The following TNIK variants were observed in gnomAD, a reference collection of about 807,000 sequenced individuals.
TNIK encodes TRAF2 and NCK-interacting protein kinase.
Under a neutral mutation model 191.3 loss-of-function variants are expected in TNIK, and 49 were observed. That is an observed-to-expected ratio of 0.26 (90% CI 0.20 to 0.32). TNIK has a LOEUF of 0.32. Ranked by LOEUF, TNIK falls within the 10% of genes least tolerant of loss-of-function variation. TNIK has a pLI of 1.00. For synonymous variants in TNIK, 594 were observed against 600.9 expected, an observed-to-expected ratio of 0.99 and a Z score of 0.17; for missense variants, 1,155 against 1,702.3, an observed-to-expected ratio of 0.68 and a Z score of 5.66.
chr3:171,437,099 G>C (rs1313267648), intron 1 of TNIK, among the ~76,000 whole-genome samples: 1 of 152,122 alleles, frequency 6.6e-6, no homozygotes, highest in Admixed American at 6.6e-5. Context: ...TATTATCTGA[G>C]AAAGGAAGAG....
At chr3:171,123,134 G>A (rs1243920327) in intron 18 of TNIK, among the ~76,000 whole-genome samples, 2 of 152,134 alleles carry the variant, frequency 1.3e-5, no homozygotes, top group Non-Finnish European at 2.9e-5. Flanking sequence ...TCTGAAGATG[G>A]TCACTATTTC....
intron 2 of TNIK, among the ~76,000 whole-genome samples, chr3:171,339,724 C>T (rs1757323028): frequency 6.6e-6 from 1 of 152,350 alleles, no homozygotes; most frequent in South Asian, 2.1e-4. Context: ...GGAAACTCCA[C>T]AAGCTCTCTG....
intron 26 of TNIK, 43 bp from the exon 27 acceptor site, chr3:171,082,437 T>A (rs1720815264): frequency 6.3e-7 from 1 of 1,592,892 alleles, no homozygotes; most frequent in African/African-American, 1.3e-5. Flanking sequence ...TTTCATGAAC[T>A]TTAATCTTCT....
At chr3:171,122,538 C>G (rs1374088510) in intron 18 of TNIK, among the ~76,000 whole-genome samples, 2 of 152,210 alleles carry the variant, frequency 1.3e-5, no homozygotes, top group African/African-American at 4.8e-5. Flanking sequence ...TAAAGGAATT[C>G]ATGTTCTTAG....
intron 27 of TNIK, 130 bp from the exon 28 acceptor site, chr3:171,079,782 T>C: frequency 1.8e-6 from 2 of 1,118,356 alleles, no homozygotes; most frequent in Non-Finnish European, 2.4e-6. Context: ...TAATAACCAG[T>C]GTCCCCAGCA....
intron 2 of TNIK, among the ~76,000 whole-genome samples, chr3:171,340,418 C>T (rs1757399838): frequency 6.6e-6 from 1 of 152,164 alleles, no homozygotes; most frequent in South Asian, 2.1e-4. Context: ...GAATTACTAA[C>T]CTGTGATTAT....
At chr3:171,414,691 A>T (rs1722833412) in intron 1 of TNIK, among the ~76,000 whole-genome samples, 1 of 152,224 alleles carries the variant, frequency 6.6e-6, no homozygotes, top group African/African-American at 2.4e-5. Context: ...ACAGGATTTA[A>T]AACTATTCGC....
At chr3:171,307,842 T>C (rs535474486) in intron 2 of TNIK, among the ~76,000 whole-genome samples, 2 of 152,278 alleles carry the variant, frequency 1.3e-5, no homozygotes, top group East Asian at 1.9e-4. Context: ...TATAAGACTT[T>C]TTCATTCTCA....
Position 171,359,708 on chromosome 3 carries a change from A to G in TNIK, c.123+9912T>C, listed in dbSNP as rs149494228. ...ATATGCAAAATATCCAAGCAGATTT[A>G]ATGAAATTATACTTAAGGTTAAACT... On this transcript the variant is annotated intron_variant, in intron 2 of 32. Transcript: ENST00000436636. Among the ~76,000 whole-genome samples the G allele has an allele frequency of 6.3e-4, 96 of 152,314 alleles. 1 individual carries two copies. In the East Asian group the frequency reaches 0.017, roughly 28 times the overall value.
At chr3:171,133,285 T>C (rs55993914) in intron 15 of TNIK, among the ~76,000 whole-genome samples, 4,501 of 152,236 alleles carry the variant, frequency 0.03, 222 homozygotes, top group African/African-American at 0.1. Context: ...TCTTAGAAAG[T>C]TGATATAGGA....
chr3:171,275,054 C>G (rs1749563679), intron 2 of TNIK, among the ~76,000 whole-genome samples: 1 of 152,130 alleles, frequency 6.6e-6, no homozygotes, highest in Admixed American at 6.6e-5. Context: ...ATTCTGCCAA[C>G]TAATAATCTC....
At chr3:171,157,880 A>T (rs2108717538) in intron 11 of TNIK, among the ~76,000 whole-genome samples, 1 of 152,230 alleles carries the variant, frequency 6.6e-6, no homozygotes, top group Admixed American at 6.5e-5. Flanking sequence ...TGGCCAACAA[A>T]TGCTGCCTCC....
Position 171,126,146 on chromosome 3 carries a change from T to A in TNIK, c.1779A>T (p.Pro593=). ...PMLRPVDPQI[P]HLVAVKSQGP... The stretch of plus-strand genomic sequence containing the variant: ...CCTGGGATTTTACAGCTACCAGATG[T>A]GGGATCTAAGCATCAAAACAACATG... The change falls in exon 17 of 33, where the codon CCA becomes CCT. Residue 593 remains proline, a synonymous_variant. Coordinates refer to ENST00000436636, the MANE Select transcript of TNIK (RefSeq NM_015028.4). 6.5e-7 allele frequency: 1 copy of A among 1,533,456 alleles called. No homozygotes were observed. Among genetic ancestry groups the A allele is most frequent in the Non-Finnish European group, 8.7e-7 (1 of 1,144,572 alleles). The allele number at this position is 1,533,456 out of a possible 1,614,324, so 95.0% of individuals were successfully genotyped here.
intron 2 of TNIK, among the ~76,000 whole-genome samples, chr3:171,229,613 C>G (rs1743364929): frequency 6.6e-6 from 1 of 152,112 alleles, no homozygotes; most frequent in Admixed American, 6.5e-5. Context: ...TACTACTTTT[C>G]TCCCTTACTA....
chr3:171,214,069 T>C (rs896101913), intron 3 of TNIK, among the ~76,000 whole-genome samples: 1 of 152,060 alleles, frequency 6.6e-6, no homozygotes, highest in African/African-American at 2.4e-5. Flanking sequence ...AAGACATGGT[T>C]AGGTAGTTCT....
chr3:171,414,575 G>C (rs1424301446), intron 1 of TNIK, among the ~76,000 whole-genome samples: 4 of 152,212 alleles, frequency 2.6e-5, no homozygotes, highest in African/African-American at 4.8e-5. Context: ...ATCTCAGTGT[G>C]CTAAGTGGGA....
chr3:171,184,912 C>T (rs1380346236), intron 7 of TNIK, among the ~76,000 whole-genome samples: 1 of 152,166 alleles, frequency 6.6e-6, no homozygotes, highest in Non-Finnish European at 1.5e-5. Flanking sequence ...ATGAAAGTCT[C>T]ATAAACAGAG....
intron 2 of TNIK, among the ~76,000 whole-genome samples, chr3:171,346,366 T>A (rs566964254): frequency 4.3e-4 from 65 of 152,286 alleles, no homozygotes; most frequent in African/African-American, 1.5e-3. Context: ...AATTAAACAT[T>A]TTCTGATGAC....
chr3:171,252,014 T>A (rs1204852079), intron 2 of TNIK, among the ~76,000 whole-genome samples: 4 of 101,996 alleles, frequency 3.9e-5, no homozygotes, highest in African/African-American at 1.8e-4. Context: ...AGGAAATACG[T>A]GCAATTCTCT....
Sources: gnomAD v4.1 joint callset for allele counts (sites outside exome capture counted in the v4.1 genomes callset) on GRCh38, gnomAD v4.1.1 for gene constraint, MANE v1.5 for transcripts, NCBI Gene and HGNC (gene_info 2026-07-23, HGNC 2026-07-21) for gene names.